CACNA2D2: variants seen among roughly 807,000 people sequenced by gnomAD.
The protein encoded by CACNA2D2 is calcium voltage-gated channel auxiliary subunit alpha2delta 2, also known as voltage-dependent calcium channel subunit alpha-2/delta-2.
In CACNA2D2, 48 loss-of-function variants were observed where a neutral mutation model predicts 166.4. That is an observed-to-expected ratio of 0.29 (90% confidence interval 0.23 to 0.37). The LOEUF is 0.37. CACNA2D2 is among the 10% of genes least tolerant of loss of function. CACNA2D2 has a pLI of 1.00. For missense variants in CACNA2D2, 1,122 were observed against 1,433.0 expected, an observed-to-expected ratio of 0.78 and a Z score of 3.50; for synonymous variants, 561 against 573.7, an observed-to-expected ratio of 0.98 and a Z score of 0.32.
At chr3:50,493,669 T>C (rs561383434) in intron 1 of CACNA2D2, among the ~76,000 whole-genome samples, 1 of 152,194 alleles carries the variant, frequency 6.6e-6, no homozygotes, top group Non-Finnish European at 1.5e-5. Context: ...CAGCCTCTTG[T>C]TGGCAGCCAA....
chr3:50,384,112 C>T, intron 6 of CACNA2D2, 84 bp downstream of exon 6: 1 of 1,547,932 alleles, frequency 6.5e-7, no homozygotes, highest in Non-Finnish European at 8.8e-7. Flanking sequence ...GGCCTTCTGT[C>T]CCCAGGGACT....
intron 3 of CACNA2D2, among the ~76,000 whole-genome samples, chr3:50,412,944 G>T (rs1197936877): frequency 6.6e-6 from 1 of 152,192 alleles, no homozygotes; most frequent in Non-Finnish European, 1.5e-5. Flanking sequence ...CTCTATTAGG[G>T]TGACTGCCAG....
intron 2 of CACNA2D2, among the ~76,000 whole-genome samples, chr3:50,457,048 G>C (rs1332893434): frequency 2.6e-5 from 4 of 152,208 alleles, no homozygotes; most frequent in African/African-American, 9.6e-5. Flanking sequence ...CCAGGAGTTT[G>C]AGATTAGCTT....
At chr3:50,465,371 T>C (rs1373329520) in intron 2 of CACNA2D2, among the ~76,000 whole-genome samples, 6 of 152,290 alleles carry the variant, frequency 3.9e-5, no homozygotes, top group South Asian at 2.1e-4. Flanking sequence ...GGCTCCTCCG[T>C]CAGCACCTGA....
Position 50,365,508 on chromosome 3 carries a change from T to C in CACNA2D2, c.2972-26A>G, listed in dbSNP as rs201100743. 1.1e-5 allele frequency: 17 copies of C among 1,610,168 alleles called. No homozygotes were observed. Among genetic ancestry groups the C allele is most frequent in the Middle Eastern group, 1.7e-4 (1 of 6,000 alleles). On this transcript the variant is annotated intron_variant, in intron 34 of 37. Transcript: ENST00000424201. This position sits in a 1 kb window ranked among gnomAD's most constrained non-coding sequence, Gnocchi z 4.5. ...CTGCGAGGGCCCAGAGCGCCTCAGC[T>C]CCGCCCACAGACCCTGGCAAGGTCT...
intron 2 of CACNA2D2, among the ~76,000 whole-genome samples, chr3:50,466,107 T>C (rs1709816697): frequency 6.6e-6 from 1 of 152,250 alleles, no homozygotes; most frequent in Non-Finnish European, 1.5e-5. Context: ...AGAACTGCCT[T>C]GCACAAGGCC....
chr3:50,389,839 G>A (rs1046513812), intron 4 of CACNA2D2, among the ~76,000 whole-genome samples: 7 of 152,220 alleles, frequency 4.6e-5, no homozygotes, highest in African/African-American at 1.7e-4. Flanking sequence ...GGGAATGACC[G>A]CTCCCGGCCT....
At chr3:50,466,355 G>A (rs1487042044) in intron 2 of CACNA2D2, among the ~76,000 whole-genome samples, 1 of 151,954 alleles carries the variant, frequency 6.6e-6, no homozygotes. Context: ...AGTAGTTCTC[G>A]CCTGCTCGGG....
intron 1 of CACNA2D2, among the ~76,000 whole-genome samples, chr3:50,484,224 C>A (rs1698179168): frequency 6.6e-6 from 1 of 152,152 alleles, no homozygotes; most frequent in Non-Finnish European, 1.5e-5. Flanking sequence ...GCTACAGGTT[C>A]CACCTTTGCA....
At chr3:50,414,790 A>G (rs1707191614) in intron 3 of CACNA2D2, among the ~76,000 whole-genome samples, 1 of 152,210 alleles carries the variant, frequency 6.6e-6, no homozygotes, top group African/African-American at 2.4e-5. Flanking sequence ...CTCCTCATTC[A>G]ATTCACATTT....
intron 2 of CACNA2D2, among the ~76,000 whole-genome samples, chr3:50,450,400 C>T (rs920098319): frequency 1.3e-4 from 19 of 150,184 alleles, no homozygotes; most frequent in Non-Finnish European, 2.5e-4. Flanking sequence ...CTCCCAGGAG[C>T]TGCTAATTCC....
At chr3:50,385,369 G>A (rs993728853) in intron 5 of CACNA2D2, among the ~76,000 whole-genome samples, 10 of 152,152 alleles carry the variant, frequency 6.6e-5, no homozygotes, top group Non-Finnish European at 1.3e-4. Context: ...AAGCCTCTGT[G>A]ACCACCCTCA....
rs1705198923 is a variant in CACNA2D2, at chr3:50,379,682, A to T, written c.993+43T>A. 7 of 1,612,490 alleles carry T rather than the reference A, an allele frequency of 4.3e-6. No homozygotes were observed. The highest frequency in any genetic ancestry group is 2.2e-5 in the East Asian group (1 of 44,868). On this transcript the variant is annotated intron_variant, in intron 10 of 37. Transcript: ENST00000424201. The surrounding 1 kb of genome is among the most constrained non-coding windows in gnomAD (Gnocchi z 6.5). ...GGTGATGGTCACAGGAGCAGGGCAG[A>T]TGGGGTGACCCATTTCACCCCGTCT...
intron 2 of CACNA2D2, among the ~76,000 whole-genome samples, chr3:50,451,838 C>T (rs1163583289): frequency 6.6e-6 from 1 of 152,128 alleles, no homozygotes; most frequent in Admixed American, 6.5e-5. Context: ...TCCTAACCAA[C>T]CCCAGGAGGT....
At chr3:50,479,142 C>A (rs1038396336) in intron 1 of CACNA2D2, among the ~76,000 whole-genome samples, 2 of 152,132 alleles carry the variant, frequency 1.3e-5, no homozygotes, top group African/African-American at 4.8e-5. Flanking sequence ...CCAATCCTTC[C>A]CCAAGATATA....
In CACNA2D2 at chr3:50,378,952, G is replaced by A. The variant is rs587671504; in HGVS notation, c.1302C>T (p.Asp434=). 1.7e-5 allele frequency: 27 copies of A among 1,613,770 alleles called. No individual in the cohort carries two copies. The highest frequency in any genetic ancestry group is 5.0e-5 in the Admixed American group (3 of 60,012). The stretch of plus-strand genomic sequence containing the variant: ...AGGCCATCCACTGCAGCGGTGTGAC[G>A]TCATAGTTATGCTGCCCCACGGAGA... The part of the protein sequence containing the change: ...FTFSVGQHNY[D]VTPLQWMACA... Residue 434 remains aspartate (D), a synonymous_variant, in exon 13 of 38, where the codon GAC becomes GAT. Coordinates refer to ENST00000424201, the MANE Select transcript of CACNA2D2 (RefSeq NM_006030.4).
chr3:50,374,416 G>T (rs1333664822), intron 22 of CACNA2D2, among the ~76,000 whole-genome samples: 6 of 148,784 alleles, frequency 4.0e-5, no homozygotes, highest in African/African-American at 1.5e-4. Context: ...GTAAGGGGAG[G>T]GGGTGTCTTC....
At chr3:50,384,464 T>G (rs1232916245) in intron 5 of CACNA2D2, 127 bp from the exon 6 acceptor site, 1 of 1,093,678 alleles carries the variant, frequency 9.1e-7, no homozygotes, top group African/African-American at 1.6e-5. Context: ...AGAGAGACTA[T>G]TGCAGTAGGA....
At chr3:50,494,713 T>C (rs917109776) in intron 1 of CACNA2D2, among the ~76,000 whole-genome samples, 1 of 152,198 alleles carries the variant, frequency 6.6e-6, no homozygotes, top group Non-Finnish European at 1.5e-5. Context: ...TCTCACTCTG[T>C]GTCCAGGCTG....
Sources: allele counts gnomAD v4.1 joint callset (sites outside exome capture counted in the v4.1 genomes callset), GRCh38; gene constraint gnomAD v4.1.1; non-coding constraint Gnocchi (gnomAD v3.1); transcripts MANE v1.5; gene names NCBI Gene and HGNC (gene_info 2026-07-23, HGNC 2026-07-21).